SLC35F4: variants seen among roughly 807,000 people sequenced by gnomAD.
SLC35F4 encodes the protein solute carrier family 35 member F4.
Under a neutral mutation model 44.2 loss-of-function variants are expected in SLC35F4, and 24 were observed. That is an observed-to-expected ratio of 0.54 (90% CI 0.39 to 0.76). SLC35F4 has a LOEUF of 0.76. SLC35F4 is among the 30% of genes least tolerant of loss of function. The pLI is 0.00. For synonymous variants in SLC35F4, 238 were observed against 223.6 expected, an observed-to-expected ratio of 1.06 and a Z score of -0.57; for missense variants, 562 against 586.1, an observed-to-expected ratio of 0.96 and a Z score of 0.42.
chr14:57,699,554 C>G (rs1392789009), intron 1 of SLC35F4, among the ~76,000 whole-genome samples: 2 of 152,178 alleles, frequency 1.3e-5, no homozygotes, highest in African/African-American at 2.4e-5. Context: ...AGGTAAGCAG[C>G]ATGAGGCTTT....
intron 1 of SLC35F4, among the ~76,000 whole-genome samples, chr14:57,956,389 T>A (rs1890238354): frequency 6.6e-6 from 1 of 152,162 alleles, no homozygotes; most frequent in African/African-American, 2.4e-5. Context: ...GGCAAAGACT[T>A]CATGTCTAAA....
chr14:57,914,833 T>C (rs191854207), intron 1 of SLC35F4, among the ~76,000 whole-genome samples: 80 of 152,268 alleles, frequency 5.3e-4, no homozygotes, highest in Middle Eastern at 3.4e-3. Context: ...GCAGCTCTCA[T>C]GGCTTGGAGT....
intron 1 of SLC35F4, among the ~76,000 whole-genome samples, chr14:57,838,564 G>A (rs535447971): frequency 5.3e-5 from 8 of 152,214 alleles, no homozygotes; most frequent in South Asian, 2.1e-4. Context: ...GAGGTCCAAT[G>A]TTTGTTTAAA....
At chr14:57,650,963 G>A (rs1009290068) in intron 1 of SLC35F4, among the ~76,000 whole-genome samples, 3 of 152,188 alleles carry the variant, frequency 2.0e-5, no homozygotes, top group African/African-American at 7.2e-5. Flanking sequence ...CCTTCTAAGA[G>A]AGGCATTCCC....
intron 1 of SLC35F4, among the ~76,000 whole-genome samples, chr14:57,890,728 A>G (rs1888743869): frequency 6.6e-6 from 1 of 152,218 alleles, no homozygotes; most frequent in African/African-American, 2.4e-5. Context: ...TTTAGAATAA[A>G]AATGACAAAT....
chr14:57,888,692 T>G (rs1888701256), intron 1 of SLC35F4, among the ~76,000 whole-genome samples: 1 of 152,066 alleles, frequency 6.6e-6, no homozygotes, highest in African/African-American at 2.4e-5. Context: ...CGATTTGTAC[T>G]TTGTTTCAAA....
intron 1 of SLC35F4, among the ~76,000 whole-genome samples, chr14:57,832,175 T>G (rs1884441038): frequency 6.6e-6 from 1 of 152,176 alleles, no homozygotes. Flanking sequence ...TCCTGAGCTC[T>G]GAAGCCCCTC....
At chr14:57,829,942 A>G (rs1434504505) in intron 1 of SLC35F4, among the ~76,000 whole-genome samples, 3 of 152,246 alleles carry the variant, frequency 2.0e-5, no homozygotes, top group Non-Finnish European at 4.4e-5. Flanking sequence ...GAAAAAACAC[A>G]GCAGGAAGAA....
intron 1 of SLC35F4, among the ~76,000 whole-genome samples, chr14:57,843,184 T>C (rs1885661620): frequency 1.3e-5 from 2 of 152,176 alleles, no homozygotes; most frequent in African/African-American, 4.8e-5. Context: ...TCACTTGTGA[T>C]CATGTGAGTT....
rs1889251899 is a variant in SLC35F4 at position 57,913,292 on chromosome 14, C to T, written n.282+68621G>A. Among the ~76,000 whole-genome samples the T allele has an allele frequency of 2.0e-5, 3 of 152,020 alleles. 1 individual carries two copies. The South Asian group carries it at 6.2e-4, about 31-fold the overall frequency. ...TTGATTATTGATATAGTTAGATTAA[C>T]ATCTACCATATTTGTTACTGTTTTC... On this transcript the variant is annotated intron_variant and non_coding_transcript_variant, in intron 1 of 1. Transcript: ENST00000556568.
intron 1 of SLC35F4, among the ~76,000 whole-genome samples, chr14:57,849,287 T>C (rs528521287): frequency 7.9e-5 from 12 of 152,134 alleles, no homozygotes; most frequent in African/African-American, 1.7e-4. Context: ...TCAGCCCCCA[T>C]AGTAGCTGGG....
intron 1 of SLC35F4, among the ~76,000 whole-genome samples, chr14:57,964,582 C>G (rs1890398296): frequency 6.6e-6 from 1 of 152,078 alleles, no homozygotes; most frequent in Admixed American, 6.6e-5. Flanking sequence ...TTCTTTTCTT[C>G]CTCCATCTGA....
At chr14:57,676,125 A>G (rs940585678) in intron 1 of SLC35F4, among the ~76,000 whole-genome samples, 3 of 152,100 alleles carry the variant, frequency 2.0e-5, no homozygotes, top group Non-Finnish European at 4.4e-5. Context: ...GAGAAAAACA[A>G]GTAATCCCAT....
chr14:57,609,108 AT>A (rs1186521718), intron 1 of SLC35F4, among the ~76,000 whole-genome samples: 1 of 152,156 alleles, frequency 6.6e-6, no homozygotes, highest in East Asian at 1.9e-4. Context: ...ACCATCCCAA[AT>A]CTGTTATGCG....
chr14:57,769,321 C>T (rs946194452), intron 1 of SLC35F4, among the ~76,000 whole-genome samples: 20 of 152,078 alleles, frequency 1.3e-4, no homozygotes, highest in Non-Finnish European at 2.6e-4. Flanking sequence ...TTGAGCTCAG[C>T]CTCAAGACCT....
chr14:57,600,721 C>CAAAAA (rs1566668126), intron 1 of SLC35F4, among the ~76,000 whole-genome samples: 8 of 129,784 alleles, frequency 6.2e-5, no homozygotes, highest in African/African-American at 2.3e-4. Context: ...AAAAAAAAAC[C>CAAAAA]AAAAAGATAA....
At chr14:57,782,799 T>A (rs1034404949) in intron 1 of SLC35F4, among the ~76,000 whole-genome samples, 2 of 152,190 alleles carry the variant, frequency 1.3e-5, no homozygotes, top group Non-Finnish European at 1.5e-5. Flanking sequence ...AAACTTTGAA[T>A]AACACCATTA....
intron 1 of SLC35F4, among the ~76,000 whole-genome samples, chr14:57,978,251 T>C (rs1881275201): frequency 6.6e-6 from 1 of 152,084 alleles, no homozygotes; most frequent in African/African-American, 2.4e-5. Context: ...TAGAGCATCA[T>C]CCCTTTCAGA....
intron 1 of SLC35F4, among the ~76,000 whole-genome samples, chr14:57,877,980 C>T (rs1595263040): frequency 6.6e-6 from 1 of 151,958 alleles, no homozygotes; most frequent in East Asian, 1.9e-4. Context: ...GCACCATGCC[C>T]AGCCATTTTT....
Sources: gnomAD v4.1 joint callset for allele counts (sites outside exome capture counted in the v4.1 genomes callset) on GRCh38, gnomAD v4.1.1 for gene constraint, MANE v1.5 for transcripts, NCBI Gene and HGNC (gene_info 2026-07-23, HGNC 2026-07-21) for gene names.